Variants in CLCF1 observed in about 807,000 individuals in gnomAD.
CLCF1 encodes the protein cardiotrophin-like cytokine factor 1.
In CLCF1, 10 loss-of-function variants were observed where a neutral mutation model predicts 21.2. The observed-to-expected ratio is 0.47, with a 90% CI of 0.29 to 0.80. CLCF1 has a LOEUF of 0.80. Among genes scored for constraint, CLCF1 ranks in the 30% least tolerant of loss-of-function variants. The pLI is 0.09. For missense variants in CLCF1, 240 were observed against 293.4 expected (o/e 0.82, Z 1.33); for synonymous variants, 115 against 120.5 (o/e 0.95, Z 0.30).
At chr11:67,367,337 A>C (rs572821354) in intron 2 of CLCF1, 123 bp downstream of exon 2, 1 of 1,435,258 alleles carries the variant, frequency 7.0e-7, no homozygotes, top group African/African-American at 1.4e-5. Context: ...AGACAGGGGG[A>C]CTGGTGGGAG....
At chr11:67,368,975 A>G (rs1590915786) in intron 1 of CLCF1, 2 of 881,216 alleles carry the variant, frequency 2.3e-6, no homozygotes, top group East Asian at 3.2e-4. Context: ...CATATTTTAT[A>G]CTCTCAGATT....
chr11:67,370,827 C>T, intron 1 of CLCF1: 1 of 985,388 alleles, frequency 1.0e-6, no homozygotes, highest in Non-Finnish European at 1.2e-6. Context: ...GGTGGTAGGA[C>T]AAGTCAATGG....
At chr11:67,368,813 G>A (rs568162312) in intron 1 of CLCF1, 4 of 984,874 alleles carry the variant, frequency 4.1e-6, no homozygotes, top group Non-Finnish European at 4.8e-6. Flanking sequence ...CAGATGGGGC[G>A]CTGCTTGTCA....
intron 1 of CLCF1, chr11:67,368,200 T>C: frequency 1.0e-6 from 1 of 985,322 alleles, no homozygotes; most frequent in African/African-American, 1.7e-5. Flanking sequence ...CGGGCTGCCT[T>C]ATGGGGCTTA....
intron 2 of CLCF1, among the ~76,000 whole-genome samples, chr11:67,366,799 G>A (rs1862109233): frequency 6.6e-6 from 1 of 152,060 alleles, no homozygotes; most frequent in Admixed American, 6.5e-5. Context: ...CTGGGATGTG[G>A]AAGAGGAACA....
intron 1 of CLCF1, 104 bp from the exon 2 acceptor site, chr11:67,367,730 G>A (rs1198051229): frequency 2.0e-6 from 3 of 1,531,276 alleles, no homozygotes; most frequent in East Asian, 4.9e-5. Flanking sequence ...TGGGTGGGGG[G>A]TGAGGGTGGG....
rs868223760 is a variant in CLCF1, at chr11:67,372,912, C to A, written c.16+612G>T. On this transcript the variant is annotated intron_variant, in intron 1 of 2. Coordinates refer to ENST00000312438, the MANE Select transcript of CLCF1 (RefSeq NM_013246.3). The surrounding 1 kb of genome is among the most constrained non-coding windows in gnomAD (Gnocchi z 5.9). ...TGGGCACCATGGAGGGTTCCGGCCG[C>A]GCGGCGCGTAGCTAGGAAGCCGCGA... is the stretch of plus-strand genomic sequence containing the variant. Among the ~76,000 whole-genome samples, 2 of 150,204 alleles carry A rather than the reference C, an allele frequency of 1.3e-5. No individual in the cohort carries two copies.
Position 67,373,519 on chromosome 11 carries a change from C to G in CLCF1, c.16+5G>C, listed in dbSNP as rs1259303034. On this transcript the variant is annotated splice_donor_5th_base_variant and intron_variant, in intron 1 of 2. Coordinates refer to ENST00000312438, the MANE Select transcript of CLCF1 (RefSeq NM_013246.3). Reference sequence around the variant, plus strand: ...GGGTCGGGGCCTCGGCCGCCTGGCTCCTACCTGCTCGGAGGTCCATGGGGC... The same window carrying G: ...GGGTCGGGGCCTCGGCCGCCTGGCTGCTACCTGCTCGGAGGTCCATGGGGC... 1 of 1,417,998 alleles carries G rather than the reference C, an allele frequency of 7.1e-7. No homozygotes were observed. Among genetic ancestry groups the G allele is most frequent in the Non-Finnish European group, 9.3e-7 (1 of 1,077,752 alleles). The allele number at this position is 1,417,998 out of a possible 1,614,324, so 87.8% of individuals were successfully genotyped here.
In CLCF1 at chr11:67,367,618, ACGAGTC is replaced by A. The variant is rs768669679; in HGVS notation, c.19_24del (p.Asp7_Ser8del). Reference sequence around the variant, plus strand: ...GTGCACAGGCACGCTAACATCCCCCACGAGTCCCCTGTGGGCAGGATGGACGAGAAG... The same window carrying A: ...GTGCACAGGCACGCTAACATCCCCCACCCTGTGGGCAGGATGGACGAGAAG... On this transcript the variant is annotated inframe_deletion and splice_region_variant, in exon 2 of 3. Transcript: ENST00000312438. The A allele has an allele frequency of 3.7e-6, 6 of 1,613,170 alleles. No homozygotes were observed. In the East Asian group the frequency reaches 1.1e-4, roughly 30 times the overall value.
intron 1 of CLCF1, chr11:67,369,864 C>A (rs947207568): frequency 2.0e-6 from 2 of 985,444 alleles, no homozygotes; most frequent in East Asian, 2.3e-4. Flanking sequence ...GAGATCAGCT[C>A]CCTACACAGG....
intron 1 of CLCF1, chr11:67,370,552 C>G (rs1327552805): frequency 1.0e-6 from 1 of 983,040 alleles, no homozygotes; most frequent in South Asian, 4.7e-5. Flanking sequence ...CCCCCACCCC[C>G]GGCCAGCCCC....
At chr11:67,368,312 G>T (rs1202345289) in intron 1 of CLCF1, 1 of 985,282 alleles carries the variant, frequency 1.0e-6, no homozygotes, top group Non-Finnish European at 1.2e-6. Context: ...CGGTGGCAGT[G>T]TGGAGGTTCA....
Position 67,365,691 on chromosome 11 carries a change from G to A in CLCF1, c.184-61C>T. On this transcript the variant is annotated intron_variant, in intron 2 of 2. Transcript: ENST00000312438. The surrounding 1 kb of genome is among the most constrained non-coding windows in gnomAD (Gnocchi z 5.0). ...GCAGAGCCGCTGGCTCACCACCAAG[G>A]AGATACCTGCTCCCAAAGTTTCTAT... is the stretch of plus-strand genomic sequence containing the variant. 1 of 1,529,488 alleles carries A rather than the reference G, an allele frequency of 6.5e-7. No homozygotes were observed. The highest frequency in any genetic ancestry group is 2.1e-5 in the Admixed American group (1 of 47,156). 94.7% of individuals were successfully genotyped at this position (1,529,488 alleles called of 1,614,324 possible). A position where few individuals can be genotyped will look rare whatever the true frequency, so the allele number is the denominator to read the frequency against.
chr11:67,368,383 G>T, intron 1 of CLCF1: 1 of 985,358 alleles, frequency 1.0e-6, no homozygotes, highest in South Asian at 4.7e-5. Context: ...CCATCAGCCT[G>T]CAAGGGTGGG....
At position 67,365,113 on chromosome 11, in the gene CLCF1, A is replaced by G; in HGVS notation, c.*23T>C. On this transcript the variant is annotated 3_prime_UTR_variant, in exon 3 of 3. Coordinates refer to ENST00000312438, the MANE Select transcript of CLCF1 (RefSeq NM_013246.3). This position sits in a 1 kb window ranked among gnomAD's most constrained non-coding sequence, Gnocchi z 5.0. ...AAGTGGGAGCAGGGTTTGAAGGGGG[A>G]GCGAAGAGGAGAAGGTCAGAAGTCA... is the stretch of plus-strand genomic sequence containing the variant. The G allele has an allele frequency of 6.2e-7, 1 of 1,612,892 alleles. No homozygotes were observed. Among genetic ancestry groups the G allele is most frequent in the Non-Finnish European group, 8.5e-7 (1 of 1,179,940 alleles).
chr11:67,370,239 G>A (rs528938397), intron 1 of CLCF1: 36 of 985,374 alleles, frequency 3.7e-5, no homozygotes, highest in African/African-American at 1.9e-4. Flanking sequence ...CGGTTTAGTC[G>A]TGAGCTTGGG....
At chr11:67,369,569 A>G in intron 1 of CLCF1, 1 of 985,388 alleles carries the variant, frequency 1.0e-6, no homozygotes. Flanking sequence ...CTAGGATCCT[A>G]TGGGTACAGA....
intron 1 of CLCF1, among the ~76,000 whole-genome samples, chr11:67,371,739 G>C (rs772686003): frequency 1.3e-5 from 2 of 152,086 alleles, no homozygotes; most frequent in African/African-American, 4.8e-5. Context: ...TTGTTATCAA[G>C]AGGGGCGTGG....
In CLCF1 at chr11:67,365,982, G is replaced by A. The variant is rs1453213172; in HGVS notation, c.184-352C>T. On this transcript the variant is annotated intron_variant, in intron 2 of 2. Transcript: ENST00000312438. The surrounding 1 kb of genome is among the most constrained non-coding windows in gnomAD (Gnocchi z 5.0). ...GGACAGAGAGGAAGAGGAGCCTGGA[G>A]GAGCTGGAGAGGTAGAAGGTGGCCC... 2.0e-5 allele frequency among the ~76,000 whole-genome samples: 3 copies of A among 152,182 alleles called. No individual in the cohort carries two copies. The highest frequency in any genetic ancestry group is 2.0e-4 in the Admixed American group (3 of 15,284).
Sources: gnomAD v4.1 joint callset for allele counts (sites outside exome capture counted in the v4.1 genomes callset) on GRCh38, gnomAD v4.1.1 for gene constraint, Gnocchi (gnomAD v3.1) non-coding constraint, MANE v1.5 for transcripts, NCBI Gene and HGNC (gene_info 2026-07-23, HGNC 2026-07-21) for gene names.